CSGALNACT1: variants seen among roughly 807,000 people sequenced by gnomAD.
The protein encoded by CSGALNACT1 is beta4GalNAcT-1.
Under a neutral mutation model 51.0 loss-of-function variants are expected in CSGALNACT1, and 52 were observed. The observed-to-expected ratio is 1.02, with a 90% CI of 0.82 to 1.29. The LOEUF is 1.29. Among genes scored for constraint, CSGALNACT1 ranks in the 50% most tolerant of loss-of-function variants. The pLI, the probability that CSGALNACT1 is intolerant of heterozygous loss-of-function variation, is 0.00. For synonymous variants in CSGALNACT1, 341 were observed against 254.4 expected (o/e 1.34, Z -3.24); for missense variants, 935 against 679.2 (o/e 1.38, Z -4.19).
chr8:19,682,345 G>T, intron 1 of CSGALNACT1: 1 of 298,258 alleles, frequency 3.4e-6, no homozygotes, highest in East Asian at 8.3e-5. Flanking sequence ...CTAATGAGTT[G>T]GCAAGCTCAC....
Position 19,591,670 on chromosome 8 carries a change from G to C in CSGALNACT1, c.-415-392C>G, listed in dbSNP as rs1347420240. On this transcript the variant is annotated intron_variant, in intron 2 of 9. Transcript: ENST00000454498. ...CTGTGTGGAGTGGCTCAAACCTGTA[G>C]TCCAGCACTTTGGGAGGCTGAGGCA... is the stretch of plus-strand genomic sequence containing the variant. Among the ~76,000 whole-genome samples the C allele has an allele frequency of 3.3e-5, 5 of 152,168 alleles. No individual in the cohort carries two copies. In the East Asian group the frequency reaches 9.7e-4, roughly 29 times the overall value.
chr8:19,599,898 C>T (rs1007506705), intron 2 of CSGALNACT1, among the ~76,000 whole-genome samples: 1 of 152,190 alleles, frequency 6.6e-6, no homozygotes, highest in African/African-American at 2.4e-5. Flanking sequence ...AAACCTACCC[C>T]ACACCCAGTG....
intron 1 of CSGALNACT1, among the ~76,000 whole-genome samples, chr8:19,652,657 T>C (rs73214679): frequency 0.22 from 34,152 of 152,130 alleles, 4,954 homozygotes; most frequent in Non-Finnish European, 0.32. Context: ...TGCTCCTCTA[T>C]TTACAGTAGA....
At chr8:19,714,060 T>C (rs1442375713) in intron 1 of CSGALNACT1, among the ~76,000 whole-genome samples, 1 of 152,152 alleles carries the variant, frequency 6.6e-6, no homozygotes. Flanking sequence ...AGCTTCACCC[T>C]TCTTCTTTTG....
intron 9 of CSGALNACT1, 148 bp downstream of exon 8, chr8:19,408,465 T>G: frequency 1.5e-6 from 1 of 651,592 alleles, no homozygotes; most frequent in Non-Finnish European, 2.6e-6. Flanking sequence ...TAGTCTGGAA[T>G]AGCTTTTTTT....
chr8:19,619,728 A>G (rs1260346606), intron 1 of CSGALNACT1, among the ~76,000 whole-genome samples: 4 of 152,226 alleles, frequency 2.6e-5, no homozygotes, highest in African/African-American at 7.2e-5. Context: ...TGTCACAATA[A>G]CAAAACAGTC....
At chr8:19,573,042 G>A (rs1564103812) in intron 3 of CSGALNACT1, among the ~76,000 whole-genome samples, 1 of 152,192 alleles carries the variant, frequency 6.6e-6, no homozygotes, top group Non-Finnish European at 1.5e-5. Flanking sequence ...GGGGACAAAG[G>A]ATGAAATGAA....
intron 1 of CSGALNACT1, among the ~76,000 whole-genome samples, chr8:19,638,648 G>A (rs1356240755): frequency 6.6e-6 from 1 of 151,906 alleles, no homozygotes; most frequent in African/African-American, 2.4e-5. Context: ...AATTTAAATA[G>A]TTCTATGAGA....
chr8:19,449,403 C>A (rs2062692140), intron 5 of CSGALNACT1, among the ~76,000 whole-genome samples: 1 of 152,158 alleles, frequency 6.6e-6, no homozygotes, highest in South Asian at 2.1e-4. Context: ...ATGCAAAAGA[C>A]ATCATTTTCC....
At chr8:19,681,885 C>T (rs2060647669) in intron 1 of CSGALNACT1, among the ~76,000 whole-genome samples, 1 of 152,212 alleles carries the variant, frequency 6.6e-6, no homozygotes, top group African/African-American at 2.4e-5. Flanking sequence ...CTGGACACCA[C>T]CCCACCTTCT....
At chr8:19,449,107 T>C (rs7818345) in intron 5 of CSGALNACT1, among the ~76,000 whole-genome samples, 70,379 of 152,038 alleles carry the variant, frequency 0.46, 17,796 homozygotes, top group East Asian at 0.86. Flanking sequence ...AATCAAGCAA[T>C]TGGGACCTAT....
At chr8:19,512,861 C>T (rs1315273358) in intron 3 of CSGALNACT1, among the ~76,000 whole-genome samples, 1 of 152,140 alleles carries the variant, frequency 6.6e-6, no homozygotes, top group Non-Finnish European at 1.5e-5. Context: ...AACAGAGGAA[C>T]ACTGTTTCCA....
At chr8:19,602,386 A>T (rs2050636496) in exon 1 of CSGALNACT1, 1 of 152,998 alleles carries the variant, frequency 6.5e-6, no homozygotes, top group South Asian at 2.1e-4. Context: ...TCCCCAGAGA[A>T]GGTAAGAGCG....
upstream of CSGALNACT1, among the ~76,000 whole-genome samples, chr8:19,685,576 G>T (rs2060926890): frequency 6.6e-6 from 1 of 152,148 alleles, no homozygotes. Context: ...AGTGTTACAT[G>T]GTTCTTTAAA....
chr8:19,668,716 G>A (rs573055739), intron 1 of CSGALNACT1, among the ~76,000 whole-genome samples: 1 of 152,184 alleles, frequency 6.6e-6, no homozygotes, highest in South Asian at 2.1e-4. Context: ...CACCATGCCT[G>A]GCTGATTTTT....
intron 3 of CSGALNACT1, among the ~76,000 whole-genome samples, chr8:19,584,869 T>C (rs1389753248): frequency 6.6e-6 from 1 of 152,158 alleles, no homozygotes; most frequent in Admixed American, 6.5e-5. Context: ...GTAGATACTC[T>C]GAAGCAAGGG....
intron 8 of CSGALNACT1, among the ~76,000 whole-genome samples, chr8:19,413,330 T>C (rs1489728598): frequency 6.6e-6 from 1 of 152,146 alleles, no homozygotes; most frequent in South Asian, 2.1e-4. Context: ...GGTCACATAG[T>C]GTGGCACTCG....
intron 1 of CSGALNACT1, among the ~76,000 whole-genome samples, chr8:19,610,485 C>T (rs2052081147): frequency 2.0e-5 from 3 of 151,986 alleles, no homozygotes; most frequent in Admixed American, 2.0e-4. Flanking sequence ...ACTCCCGAGA[C>T]CCCAGCAAGG....
chr8:19,576,025 A>T (rs1340215791), intron 3 of CSGALNACT1, among the ~76,000 whole-genome samples: 3 of 152,116 alleles, frequency 2.0e-5, no homozygotes, highest in Admixed American at 6.5e-5. Context: ...CTAATGGCTC[A>T]GACAGGAAGA....
Sources: allele counts gnomAD v4.1 joint callset (sites outside exome capture counted in the v4.1 genomes callset), GRCh38; gene constraint gnomAD v4.1.1; transcripts MANE v1.5; gene names NCBI Gene and HGNC (gene_info 2026-07-23, HGNC 2026-07-21).